PRKG1: variants seen among roughly 807,000 people sequenced by gnomAD.
The protein encoded by PRKG1 is cGMP-dependent protein kinase 1.
Under a neutral mutation model 88.1 loss-of-function variants are expected in PRKG1, and 35 were observed. That is an observed-to-expected ratio of 0.40 (90% CI 0.30 to 0.53). The LOEUF is 0.53. PRKG1 is among the 20% of genes least tolerant of loss of function. PRKG1 has a pLI of 0.59. For missense variants in PRKG1, 540 were observed against 839.8 expected (o/e 0.64, Z 4.41); for synonymous variants, 303 against 292.5 (o/e 1.04, Z -0.37).
At chr10:51,590,516 C>T (rs927933504) in intron 3 of PRKG1, among the ~76,000 whole-genome samples, 1 of 152,146 alleles carries the variant, frequency 6.6e-6, no homozygotes, top group African/African-American at 2.4e-5. Context: ...TATTTTACTC[C>T]AGTGAAGAAA....
intron 2 of PRKG1, among the ~76,000 whole-genome samples, chr10:51,315,539 T>C (rs1177155384): frequency 6.6e-6 from 1 of 152,208 alleles, no homozygotes; most frequent in Non-Finnish European, 1.5e-5. Context: ...GGGCCATTTA[T>C]TGAGTTCTTA....
chr10:51,762,740 C>G (rs1001995504), intron 3 of PRKG1, among the ~76,000 whole-genome samples: 1 of 152,160 alleles, frequency 6.6e-6, no homozygotes, highest in African/African-American at 2.4e-5. Context: ...TATAAACAAT[C>G]CTTGCTCTCT....
chr10:52,089,586 G>A (rs1846999271), intron 7 of PRKG1, among the ~76,000 whole-genome samples: 1 of 152,098 alleles, frequency 6.6e-6, no homozygotes, highest in African/African-American at 2.4e-5. Context: ...CTTACTATCA[G>A]AGAGAGAAGT....
intron 3 of PRKG1, among the ~76,000 whole-genome samples, chr10:51,565,483 G>A (rs1409052382): frequency 1.3e-5 from 2 of 152,192 alleles, no homozygotes; most frequent in East Asian, 3.9e-4. Flanking sequence ...AGTACTGAAA[G>A]TGCCCAAGTG....
chr10:51,104,698 T>TTTTCTTTA (rs139970917), intron 1 of PRKG1, among the ~76,000 whole-genome samples: 1 of 136,154 alleles, frequency 7.3e-6, no homozygotes, highest in Non-Finnish European at 1.6e-5. Flanking sequence ...TTTATTTTTA[T>TTTTCTTTA]TTTATTTATT....
intron 3 of PRKG1, among the ~76,000 whole-genome samples, chr10:51,687,847 G>A (rs1263522138): frequency 6.6e-6 from 1 of 152,146 alleles, no homozygotes; most frequent in African/African-American, 2.4e-5. Context: ...ACATTCAGGT[G>A]TCTTCCCCAA....
intron 3 of PRKG1, among the ~76,000 whole-genome samples, chr10:51,609,578 G>A (rs1050758099): frequency 6.6e-6 from 1 of 152,256 alleles, no homozygotes; most frequent in South Asian, 2.1e-4. Flanking sequence ...GCAAAGACAT[G>A]TAATCAACCC....
intron 2 of PRKG1, among the ~76,000 whole-genome samples, chr10:51,251,282 T>C (rs1287319237): frequency 1.3e-5 from 2 of 151,746 alleles, no homozygotes; most frequent in African/African-American, 4.8e-5. Context: ...TCTGACAGAA[T>C]CAAGTCTTGG....
intron 9 of PRKG1, among the ~76,000 whole-genome samples, chr10:52,217,388 T>TTA (rs1491103379): frequency 6.6e-6 from 1 of 151,520 alleles, no homozygotes; most frequent in African/African-American, 2.4e-5. Flanking sequence ...ACACACACAC[T>TTA]TATATATGTA....
At chr10:52,219,135 T>G (rs1217048185) in intron 9 of PRKG1, among the ~76,000 whole-genome samples, 1 of 152,110 alleles carries the variant, frequency 6.6e-6, no homozygotes, top group Non-Finnish European at 1.5e-5. Flanking sequence ...TCACACTAGA[T>G]GTAAGTGGGT....
At chr10:52,103,418 A>G (rs772513148) in intron 7 of PRKG1, among the ~76,000 whole-genome samples, 1 of 152,054 alleles carries the variant, frequency 6.6e-6, no homozygotes, top group Non-Finnish European at 1.5e-5. Flanking sequence ...CCTCCCCCTC[A>G]GCCTAATCAA....
chr10:51,506,044 A>G (rs980415536), intron 3 of PRKG1, among the ~76,000 whole-genome samples: 10 of 152,012 alleles, frequency 6.6e-5, no homozygotes, highest in African/African-American at 1.4e-4. Context: ...GACAAAAACA[A>G]GAAATGGGGA....
chr10:51,947,211 C>T (rs1327802197), intron 5 of PRKG1, among the ~76,000 whole-genome samples: 1 of 152,168 alleles, frequency 6.6e-6, no homozygotes, highest in South Asian at 2.1e-4. Context: ...GCAGTTTGAT[C>T]TCAGACTGCT....
At chr10:51,914,720 G>A (rs972251225) in intron 5 of PRKG1, among the ~76,000 whole-genome samples, 1 of 152,098 alleles carries the variant, frequency 6.6e-6, no homozygotes, top group African/African-American at 2.4e-5. Context: ...TTGCAATTTT[G>A]CATGATTGGA....
chr10:51,385,649 C>A (rs1432414155), intron 2 of PRKG1, among the ~76,000 whole-genome samples: 1 of 152,166 alleles, frequency 6.6e-6, no homozygotes, highest in East Asian at 1.9e-4. Flanking sequence ...AATCGAAGCC[C>A]TCATTCATGG....
intron 9 of PRKG1, among the ~76,000 whole-genome samples, chr10:52,175,236 G>A (rs1175931891): frequency 6.6e-6 from 1 of 152,064 alleles, no homozygotes. Context: ...AGAACATGCA[G>A]TGTACAACTT....
At chr10:51,963,819 CA>C (rs1843504923) in intron 5 of PRKG1, among the ~76,000 whole-genome samples, 1 of 152,092 alleles carries the variant, frequency 6.6e-6, no homozygotes, top group African/African-American at 2.4e-5. Context: ...TCCCTTCTGG[CA>C]AAAGATAAAC....
intron 3 of PRKG1, among the ~76,000 whole-genome samples, chr10:51,509,277 A>T (rs530775523): frequency 6.6e-6 from 1 of 152,206 alleles, no homozygotes; most frequent in East Asian, 1.9e-4. Context: ...TTAGAAATAC[A>T]CTTCAGCTGA....
At chr10:51,407,501 G>GT (rs1837954506) in intron 2 of PRKG1, among the ~76,000 whole-genome samples, 1 of 152,162 alleles carries the variant, frequency 6.6e-6, no homozygotes, top group South Asian at 2.1e-4. Flanking sequence ...GCACCGACAT[G>GT]TTTTTAACAA....
Sources: gnomAD v4.1 joint callset for allele counts (sites outside exome capture counted in the v4.1 genomes callset) on GRCh38, gnomAD v4.1.1 for gene constraint, MANE v1.5 for transcripts, NCBI Gene and HGNC (gene_info 2026-07-23, HGNC 2026-07-21) for gene names.